PRORP: variants seen among roughly 807,000 people sequenced by gnomAD.
PRORP encodes the protein mitochondrial ribonuclease P catalytic subunit.
A neutral mutation model predicts 59.4 loss-of-function variants in PRORP; 51 were observed. The ratio of observed to expected loss-of-function variants is 0.86; its 90% CI spans 0.69 to 1.08. The LOEUF (loss-of-function observed/expected upper bound fraction) is 1.08, where lower values mean the gene tolerates loss of function less well. Ranked by LOEUF, PRORP falls within the 50% of genes least tolerant of loss-of-function variation. The probability of loss-of-function intolerance (pLI) is 0.00; values close to 1 mark genes in which losing one functional copy is unlikely to be tolerated. For synonymous variants in PRORP, 231 were observed against 245.6 expected, an observed-to-expected ratio of 0.94 and a Z score of 0.55; for missense variants, 646 against 690.3, an observed-to-expected ratio of 0.94 and a Z score of 0.72.
intron 5 of PRORP, chr14:35,235,438 G>T (rs1463226498): frequency 3.0e-6 from 2 of 667,664 alleles, no homozygotes; most frequent in Admixed American, 4.0e-5. Flanking sequence ...TGCAGTAAGG[G>T]ACCCCCATTT....
intron 5 of PRORP, among the ~76,000 whole-genome samples, chr14:35,189,099 A>G (rs1425768087): frequency 1.3e-5 from 2 of 152,080 alleles, no homozygotes; most frequent in Non-Finnish European, 2.9e-5. Context: ...AAACCAACAT[A>G]ATTTAGAATA....
At chr14:35,235,870 G>C (rs992607567) in intron 5 of PRORP, among the ~76,000 whole-genome samples, 1 of 151,834 alleles carries the variant, frequency 6.6e-6, no homozygotes, top group Non-Finnish European at 1.5e-5. Flanking sequence ...TTTGAGACCA[G>C]CCTGGGCAAG....
At chr14:35,214,019 C>T (rs1219391432) in intron 5 of PRORP, among the ~76,000 whole-genome samples, 1 of 152,196 alleles carries the variant, frequency 6.6e-6, no homozygotes, top group East Asian at 1.9e-4. Flanking sequence ...ATCATATTCC[C>T]TGTGCATCTG....
intron 4 of PRORP, among the ~76,000 whole-genome samples, chr14:35,178,754 ATAT>A (rs1378323075): frequency 2.1e-5 from 2 of 93,172 alleles, no homozygotes; most frequent in Admixed American, 1.2e-4. Flanking sequence ...TTTAAGGTTA[ATAT>A]TATGTGTGAA....
intron 5 of PRORP, among the ~76,000 whole-genome samples, chr14:35,209,013 AGAGT>A (rs2049367392): frequency 6.6e-6 from 1 of 152,138 alleles, no homozygotes; most frequent in Non-Finnish European, 1.5e-5. Context: ...CCTGGGTGAC[AGAGT>A]GAGACTTTGT....
chr14:35,255,859 A>T (rs1351489736), intron 5 of PRORP, among the ~76,000 whole-genome samples: 1 of 152,240 alleles, frequency 6.6e-6, no homozygotes, highest in East Asian at 1.9e-4. Context: ...CTTAAGAGAG[A>T]TACCAGGCAA....
intron 4 of PRORP, among the ~76,000 whole-genome samples, chr14:35,171,250 G>A (rs978307440): frequency 6.6e-6 from 1 of 152,126 alleles, no homozygotes; most frequent in Non-Finnish European, 1.5e-5. Flanking sequence ...CAAAATGCTG[G>A]GATTACAGGC....
At chr14:35,189,430 C>CTT (rs35474589) in intron 5 of PRORP, among the ~76,000 whole-genome samples, 59 of 133,822 alleles carry the variant, frequency 4.4e-4, no homozygotes, top group South Asian at 2.2e-3. Flanking sequence ...AAATTCTGAG[C>CTT]TTTTTTTTTT....
intron 5 of PRORP, among the ~76,000 whole-genome samples, chr14:35,258,678 G>A (rs138603303): frequency 1.5e-4 from 23 of 152,146 alleles, no homozygotes; most frequent in African/African-American, 4.1e-4. Context: ...CAGAGATACC[G>A]TATTTTAGGT....
intron 4 of PRORP, among the ~76,000 whole-genome samples, chr14:35,163,307 T>A (rs918189796): frequency 1.3e-5 from 2 of 152,166 alleles, no homozygotes; most frequent in Non-Finnish European, 2.9e-5. Flanking sequence ...TATGTACTCT[T>A]GCTGTATTTG....
chr14:35,209,659 C>T (rs2049387393), intron 5 of PRORP, among the ~76,000 whole-genome samples: 1 of 152,142 alleles, frequency 6.6e-6, no homozygotes. Context: ...GCCTCAGCCT[C>T]CTGAGTAGCT....
At chr14:35,199,434 A>G (rs2049092204) in intron 5 of PRORP, among the ~76,000 whole-genome samples, 1 of 152,082 alleles carries the variant, frequency 6.6e-6, no homozygotes, top group Non-Finnish European at 1.5e-5. Flanking sequence ...TCACAGTATT[A>G]AGAAGTGAGG....
chr14:35,163,213 C>T (rs1477830850), intron 4 of PRORP, among the ~76,000 whole-genome samples: 8 of 151,906 alleles, frequency 5.3e-5, no homozygotes, highest in Middle Eastern at 6.8e-3. Context: ...GGCTTTTAAG[C>T]GTTTTTTAAC....
At chr14:35,220,612 CA>C (rs1270659628) in intron 5 of PRORP, among the ~76,000 whole-genome samples, 4 of 151,004 alleles carry the variant, frequency 2.6e-5, no homozygotes, top group African/African-American at 9.7e-5. Flanking sequence ...TGGGAGCAAA[CA>C]AAAAAGACTG....
chr14:35,187,368 CTT>C (rs894457896), intron 5 of PRORP, among the ~76,000 whole-genome samples: 3 of 149,792 alleles, frequency 2.0e-5, no homozygotes, highest in Non-Finnish European at 4.4e-5. Flanking sequence ...GAAGTGGTAT[CTT>C]TTTTTGTTTG....
intron 4 of PRORP, among the ~76,000 whole-genome samples, chr14:35,128,255 G>A (rs535877933): frequency 4.1e-4 from 62 of 151,644 alleles, no homozygotes; most frequent in African/African-American, 1.4e-3. Flanking sequence ...ATATTCATCA[G>A]AGATATTGGC....
chr14:35,160,437 G>A (rs2048028616), intron 4 of PRORP, among the ~76,000 whole-genome samples: 1 of 152,028 alleles, frequency 6.6e-6, no homozygotes, highest in Admixed American at 6.6e-5. Context: ...AGAAATTTCA[G>A]GAATTTAAAT....
chr14:35,175,718 T>C (rs989818899), intron 4 of PRORP, among the ~76,000 whole-genome samples: 2 of 152,078 alleles, frequency 1.3e-5, no homozygotes, highest in Non-Finnish European at 2.9e-5. Flanking sequence ...GTAGGTTCTT[T>C]TGCTGTGCAG....
chr14:35,166,058 A>C (rs1446457343), intron 4 of PRORP, among the ~76,000 whole-genome samples: 1 of 151,996 alleles, frequency 6.6e-6, no homozygotes, highest in Non-Finnish European at 1.5e-5. Flanking sequence ...GTTTTGATTT[A>C]TTCCTTGAGA....
Sources: gnomAD v4.1 joint callset for allele counts (sites outside exome capture counted in the v4.1 genomes callset) on GRCh38, gnomAD v4.1.1 for gene constraint, MANE v1.5 for transcripts, NCBI Gene and HGNC (gene_info 2026-07-23, HGNC 2026-07-21) for gene names.